The following TRAP1 variants were observed in gnomAD, a reference collection of about 807,000 sequenced individuals.
TRAP1 encodes the protein heat shock protein 75 kDa, mitochondrial.
A neutral mutation model predicts 89.1 loss-of-function variants in TRAP1; 102 were observed. The observed-to-expected ratio is 1.15, with a 90% CI of 0.98 to 1.35. TRAP1 has a LOEUF of 1.35. Ranked by LOEUF, TRAP1 falls within the 40% of genes most tolerant of loss-of-function variation. The pLI, the probability that TRAP1 is intolerant of heterozygous loss-of-function variation, is 0.00. For missense variants in TRAP1, 1,256 were observed against 945.3 expected (o/e 1.33, Z -4.31); for synonymous variants, 508 against 388.0 (o/e 1.31, Z -3.64).
chr16:3,688,843 A>AG (rs1326112802), intron 3 of TRAP1, among the ~76,000 whole-genome samples: 7 of 152,216 alleles, frequency 4.6e-5, no homozygotes, highest in Non-Finnish European at 1.0e-4. Context: ...GAGTTGATCC[A>AG]GCCCAAAGAA....
chr16:3,713,374 G>A (rs2051557561), intron 1 of TRAP1, among the ~76,000 whole-genome samples: 4 of 152,196 alleles, frequency 2.6e-5, no homozygotes, highest in African/African-American at 4.8e-5. Flanking sequence ...CTTTTTGGAA[G>A]ATGAAACAAA....
chr16:3,684,977 T>C (rs910923227), intron 4 of TRAP1, among the ~76,000 whole-genome samples: 8 of 152,154 alleles, frequency 5.3e-5, no homozygotes, highest in African/African-American at 1.7e-4. Flanking sequence ...TATTGTAACA[T>C]AAATGGTCTT....
intron 4 of TRAP1, among the ~76,000 whole-genome samples, chr16:3,680,792 G>T (rs1016099199): frequency 5.3e-5 from 8 of 152,194 alleles, no homozygotes; most frequent in African/African-American, 1.9e-4. Context: ...TAGAAAACAG[G>T]CTTGAGGGAG....
chr16:3,676,099 T>C lies in TRAP1; in HGVS notation c.751A>G (p.Thr251Ala). The C allele has an allele frequency of 6.2e-7, 1 of 1,613,860 alleles. No homozygotes were observed. Among genetic ancestry groups the C allele is most frequent in the South Asian group, 1.1e-5 (1 of 91,000 alleles). ...GATTTCAGGTGGATGATGATTTTTG[T>C]CCCGGTTCTAACTCCCGAAGCTTCG... ...IAEASGVRTG[T>A]KIIIHLKSDC... is the part of the protein sequence containing the mutation. The change falls in exon 7 of 18, where the codon ACA (threonine) becomes GCA (alanine). Residue 251 changes from threonine to alanine, a missense_variant. Transcript: ENST00000246957.
intron 11 of TRAP1, among the ~76,000 whole-genome samples, chr16:3,671,259 C>T (rs2050908972): frequency 1.3e-5 from 2 of 152,166 alleles, no homozygotes; most frequent in South Asian, 4.1e-4. Context: ...CTTGAATGTG[C>T]TCTAGTAAGG....
At chr16:3,680,037 C>G in intron 4 of TRAP1, 1 of 436,966 alleles carries the variant, frequency 2.3e-6, no homozygotes, top group South Asian at 2.8e-5. Flanking sequence ...CAAGACCAGC[C>G]TGGCCAACAT....
chr16:3,672,686 T>A lies in TRAP1; in HGVS notation c.1165+14A>T. 4 of 1,603,418 alleles carry A rather than the reference T, an allele frequency of 2.5e-6. No individual in the cohort carries two copies. The South Asian group carries it at 4.5e-5, about 18-fold the overall frequency. On this transcript the variant is annotated intron_variant, in intron 10 of 17. Coordinates refer to ENST00000246957, the MANE Select transcript of TRAP1 (RefSeq NM_016292.3). ...GGCCACGGGGGCACTGCTCACGGAC[T>A]CTGAGCAGCGTACCTCGGATGAAGC... is the stretch of plus-strand genomic sequence containing the variant.
At position 3,662,942 on chromosome 16, in the gene TRAP1, C is replaced by A. The variant is rs1489915383; in HGVS notation, c.1734G>T (p.Glu578Asp). 4 of 1,612,344 alleles carry A rather than the reference C, an allele frequency of 2.5e-6. No individual in the cohort carries two copies. Among genetic ancestry groups the A allele is most frequent in the Non-Finnish European group, 2.5e-6 (3 of 1,179,992 alleles). Residue 578 changes from glutamate (E) to aspartate (D), a missense_variant, in exon 15 of 18, where the codon GAG (glutamate) becomes GAT (aspartate). Glu to Asp is a conservative substitution (Grantham distance 45). Coordinates refer to ENST00000246957, the MANE Select transcript of TRAP1 (RefSeq NM_016292.3). ...SPAAECLSEKETEELMAWMRN... is the reference protein window; with the variant it reads ...SPAAECLSEKDTEELMAWMRN... ...TCATCCAGGCCATGAGCTCCTCCGT[C>A]TCCTTCTCTGATAGGCACTCGGCGG...
intron 1 of TRAP1, chr16:3,704,198 A>G (rs965775948): frequency 6.6e-6 from 1 of 152,150 alleles, no homozygotes; most frequent in Non-Finnish European, 1.5e-5. Context: ...TACAAAAATT[A>G]GCTGGGCATG....
At chr16:3,673,288 G>A (rs1048831092) in intron 9 of TRAP1, among the ~76,000 whole-genome samples, 3 of 152,222 alleles carry the variant, frequency 2.0e-5, no homozygotes, top group Non-Finnish European at 4.4e-5. Flanking sequence ...CGCAGCTCAT[G>A]GGACCCGGCC....
chr16:3,687,540 C>A (rs1437281825), intron 3 of TRAP1, among the ~76,000 whole-genome samples: 1 of 152,154 alleles, frequency 6.6e-6, no homozygotes, highest in Non-Finnish European at 1.5e-5. Flanking sequence ...GCCCAGCTGT[C>A]CCTCAGGAGC....
At chr16:3,715,304 G>A (rs948068492) in intron 1 of TRAP1, among the ~76,000 whole-genome samples, 1 of 152,134 alleles carries the variant, frequency 6.6e-6, no homozygotes, top group Non-Finnish European at 1.5e-5. Context: ...CAGGCATGGT[G>A]GTGGGCGCCT....
At chr16:3,675,885 C>T (rs572653396) in intron 7 of TRAP1, 151 bp downstream of exon 7, 3 of 679,512 alleles carry the variant, frequency 4.4e-6, no homozygotes, top group Non-Finnish European at 4.8e-6. Flanking sequence ...TGGCGGGCAG[C>T]CCCCCTCCCA....
chr16:3,691,026 A>C, intron 1 of TRAP1, 41 bp from the exon 2 acceptor site: 1 of 1,415,646 alleles, frequency 7.1e-7, no homozygotes, highest in Non-Finnish European at 9.3e-7. Context: ...AATTAGGAAG[A>C]CACGAGAAAC....
intron 1 of TRAP1, among the ~76,000 whole-genome samples, chr16:3,697,467 A>C (rs893476289): frequency 6.6e-6 from 1 of 151,974 alleles, no homozygotes. Flanking sequence ...GATTGAGACC[A>C]TCCTGGCTAA....
At chr16:3,697,185 C>A (rs1217533803) in intron 1 of TRAP1, among the ~76,000 whole-genome samples, 2 of 152,154 alleles carry the variant, frequency 1.3e-5, no homozygotes, top group Non-Finnish European at 2.9e-5. Context: ...GCCTATTGGT[C>A]AGATAAAATT....
intron 5 of TRAP1, 94 bp downstream of exon 5, chr16:3,679,625 T>C (rs2051047707): frequency 7.8e-7 from 1 of 1,276,608 alleles, no homozygotes; most frequent in Admixed American, 1.7e-5. Flanking sequence ...ACTGACAACG[T>C]TCTTACTTAA....
intron 1 of TRAP1, among the ~76,000 whole-genome samples, chr16:3,708,031 T>A (rs2051474681): frequency 6.6e-6 from 1 of 151,970 alleles, no homozygotes; most frequent in Non-Finnish European, 1.5e-5. Flanking sequence ...AAAAAAATGT[T>A]TTTTAATTAG....
At chr16:3,686,172 G>C (rs1371194114) in intron 3 of TRAP1, 36 bp from the exon 4 acceptor site, 2 of 1,608,858 alleles carry the variant, frequency 1.2e-6, no homozygotes, top group African/African-American at 2.7e-5. Flanking sequence ...AGACAATGAA[G>C]GACACTCATC....
Sources: gnomAD v4.1 joint callset for allele counts (sites outside exome capture counted in the v4.1 genomes callset) on GRCh38, gnomAD v4.1.1 for gene constraint, MANE v1.5 for transcripts, NCBI Gene and HGNC (gene_info 2026-07-23, HGNC 2026-07-21) for gene names.